The following OSBPL11 variants were observed in gnomAD, a reference collection of about 807,000 sequenced individuals.
OSBPL11 encodes oxysterol-binding protein-related protein 11.
A neutral mutation model predicts 84.4 loss-of-function variants in OSBPL11; 33 were observed. The observed-to-expected ratio is 0.39, with a 90% CI of 0.30 to 0.52. The LOEUF (loss-of-function observed/expected upper bound fraction) is 0.52. Ranked by LOEUF, OSBPL11 falls within the 20% of genes least tolerant of loss-of-function variation. The pLI is 0.72. For missense variants in OSBPL11, 736 were observed against 901.1 expected, an observed-to-expected ratio of 0.82 and a Z score of 2.35; for synonymous variants, 276 against 310.2, an observed-to-expected ratio of 0.89 and a Z score of 1.16.
rs111679223 is a variant in OSBPL11, at chr3:125,563,861, A to G, written c.869-18T>C. The G allele has an allele frequency of 3.8e-5, 61 of 1,607,060 alleles. No homozygotes were observed. The highest frequency in any genetic ancestry group is 5.1e-5 in the Non-Finnish European group (60 of 1,178,238). ...TGTCGTTCCTGATGGAGTAAGAGAAAACTTTCGCTGAAACTTGCTCATAAT... is the reference window on the plus strand; with the variant it reads ...TGTCGTTCCTGATGGAGTAAGAGAAGACTTTCGCTGAAACTTGCTCATAAT... On this transcript the variant is annotated intron_variant, in intron 6 of 12. Coordinates refer to ENST00000296220, the MANE Select transcript of OSBPL11 (RefSeq NM_022776.5).
At chr3:125,579,489 T>A (rs758516753) in intron 3 of OSBPL11, among the ~76,000 whole-genome samples, 4 of 152,228 alleles carry the variant, frequency 2.6e-5, no homozygotes, top group Non-Finnish European at 5.9e-5. Flanking sequence ...AATGACATTA[T>A]AATAAATCCC....
intron 11 of OSBPL11, 128 bp downstream of exon 11, chr3:125,538,323 A>AT (rs1935673763): frequency 3.8e-6 from 3 of 794,376 alleles, no homozygotes; most frequent in Non-Finnish European, 6.1e-6. Context: ...GATCAGACTA[A>AT]TGCTTTCAAT....
At chr3:125,550,695 A>C (rs977807067) in intron 9 of OSBPL11, among the ~76,000 whole-genome samples, 4 of 152,122 alleles carry the variant, frequency 2.6e-5, no homozygotes, top group African/African-American at 9.7e-5. Context: ...TTATATTTTC[A>C]TTAACTCTTC....
At chr3:125,584,684 A>T (rs1271523717) in intron 1 of OSBPL11, among the ~76,000 whole-genome samples, 1 of 152,202 alleles carries the variant, frequency 6.6e-6, no homozygotes, top group Non-Finnish European at 1.5e-5. Context: ...TATTCTTCAA[A>T]TGTATGTGAA....
intron 10 of OSBPL11, among the ~76,000 whole-genome samples, chr3:125,541,273 A>G (rs1437803640): frequency 6.6e-6 from 1 of 152,180 alleles, no homozygotes; most frequent in East Asian, 1.9e-4. Context: ...TCTCATCTCT[A>G]TAGCCCCAGA....
intron 9 of OSBPL11, among the ~76,000 whole-genome samples, chr3:125,550,530 AAG>A (rs765141095): frequency 3.9e-5 from 6 of 152,214 alleles, no homozygotes; most frequent in Non-Finnish European, 7.3e-5. Context: ...AAAACTGAAA[AAG>A]AGGATACTTT....
intron 4 of OSBPL11, 123 bp from the exon 5 acceptor site, chr3:125,576,488 T>C (rs1580058848): frequency 2.9e-6 from 2 of 678,422 alleles, no homozygotes; most frequent in Non-Finnish European, 4.4e-6. Context: ...AACTTCAGAA[T>C]TGACTATGAG....
chr3:125,573,561 A>C (rs1227959346), intron 5 of OSBPL11, among the ~76,000 whole-genome samples: 1 of 152,178 alleles, frequency 6.6e-6, no homozygotes, highest in African/African-American at 2.4e-5. Flanking sequence ...GATACTACTC[A>C]CAAGAGTTAG....
At chr3:125,593,237 C>A (rs1412033180) in intron 1 of OSBPL11, among the ~76,000 whole-genome samples, 3 of 152,116 alleles carry the variant, frequency 2.0e-5, no homozygotes. Flanking sequence ...CACACACATA[C>A]AAAAAAATCA....
intron 6 of OSBPL11, among the ~76,000 whole-genome samples, chr3:125,566,949 CAG>C (rs1229291325): frequency 1.3e-5 from 2 of 152,060 alleles, no homozygotes; most frequent in African/African-American, 4.8e-5. Context: ...CGCCTAGCTA[CAG>C]ATTATTTTTC....
chr3:125,567,115 T>C (rs1174961088), intron 6 of OSBPL11, among the ~76,000 whole-genome samples: 1 of 152,220 alleles, frequency 6.6e-6, no homozygotes. Flanking sequence ...ATATAGGAGA[T>C]GCACATTTTG....
chr3:125,581,237 G>A (rs1464636785), intron 2 of OSBPL11, among the ~76,000 whole-genome samples: 1 of 151,884 alleles, frequency 6.6e-6, no homozygotes, highest in Non-Finnish European at 1.5e-5. Flanking sequence ...GATTACAGGC[G>A]CCCACCACCA....
At chr3:125,551,981 T>C (rs551482946) in intron 9 of OSBPL11, among the ~76,000 whole-genome samples, 200 bp downstream of exon 9, 8 of 152,058 alleles carry the variant, frequency 5.3e-5, no homozygotes, top group Non-Finnish European at 1.0e-4. Flanking sequence ...AAATTTAAGA[T>C]TGTAGTTTGA....
At chr3:125,552,754 G>A (rs1935931894) in intron 8 of OSBPL11, 75 bp from the exon 9 acceptor site, 1 of 1,464,446 alleles carries the variant, frequency 6.8e-7, no homozygotes. Context: ...TTCTCTCTCT[G>A]AAAACATTTC....
rs10678056 is a variant in OSBPL11, at chr3:125,539,300, CATATATATATATATATAT to C, written c.1842-685_1842-668del. 9.0e-4 allele frequency among the ~76,000 whole-genome samples: 61 copies of C among 67,836 alleles called. 1 individual carries two copies. The highest frequency in any genetic ancestry group is 1.8e-3 in the African/African-American group (39 of 22,084). The allele number at this position is 67,836 out of a possible 152,430, so 44.5% of individuals were successfully genotyped here. On this transcript the variant is annotated intron_variant, in intron 10 of 12. Coordinates refer to ENST00000296220, the MANE Select transcript of OSBPL11 (RefSeq NM_022776.5). ...AAGTTTAATGAAGAGTCACCACAGC[CATATATATATATATATAT>C]ATATATATATATATATATATATATA...
chr3:125,575,813 A>T (rs1936313630), intron 5 of OSBPL11, among the ~76,000 whole-genome samples: 1 of 151,996 alleles, frequency 6.6e-6, no homozygotes, highest in Non-Finnish European at 1.5e-5. Flanking sequence ...CTGAGATTAC[A>T]GGCTTGAGCC....
intron 10 of OSBPL11, 32 bp from the exon 11 acceptor site, chr3:125,538,665 T>C: frequency 1.3e-6 from 2 of 1,553,608 alleles, no homozygotes; most frequent in Non-Finnish European, 1.7e-6. Flanking sequence ...AGATATGCTC[T>C]AATAAGTGAT....
At chr3:125,572,866 TA>T (rs1339831133) in intron 5 of OSBPL11, among the ~76,000 whole-genome samples, 1 of 146,228 alleles carries the variant, frequency 6.8e-6, no homozygotes, top group Non-Finnish European at 1.5e-5. Flanking sequence ...TTTATATATT[TA>T]TATATATATT....
chr3:125,561,972 C>A (rs1475865541), intron 7 of OSBPL11, among the ~76,000 whole-genome samples: 2 of 152,168 alleles, frequency 1.3e-5, no homozygotes, highest in Non-Finnish European at 2.9e-5. Context: ...TTCAAAATTA[C>A]CAGGCAAGCT....
Sources: gnomAD v4.1 joint callset for allele counts (sites outside exome capture counted in the v4.1 genomes callset) on GRCh38, gnomAD v4.1.1 for gene constraint, MANE v1.5 for transcripts, NCBI Gene and HGNC (gene_info 2026-07-23, HGNC 2026-07-21) for gene names.